THNSL1: variants seen among roughly 807,000 people sequenced by gnomAD.
The protein encoded by THNSL1 is threonine synthase-like 1.
THNSL1 carries 48 observed loss-of-function variants against 50.4 expected under a neutral mutation model. That is an observed-to-expected ratio of 0.95 (90% confidence interval 0.76 to 1.21). The LOEUF (loss-of-function observed/expected upper bound fraction) is 1.21. Ranked by LOEUF, THNSL1 falls within the 50% of genes most tolerant of loss-of-function variation. The pLI is 0.00. For synonymous variants in THNSL1, 309 were observed against 306.1 expected (o/e 1.01, Z -0.10); for missense variants, 896 against 871.7 (o/e 1.03, Z -0.35).
At chr10:25,009,056 T>G in the THNSL1 span, among the ~76,000 whole-genome samples, 3 of 151,846 alleles carry the variant, frequency 2.0e-5, no homozygotes, top group South Asian at 4.2e-4. Context: ...AATTGAACAG[T>G]GAGAACACAT....
chr10:24,959,265 C>T, the THNSL1 span, among the ~76,000 whole-genome samples: 1 of 152,208 alleles, frequency 6.6e-6, no homozygotes, highest in Non-Finnish European at 1.5e-5. Flanking sequence ...GCTGTTTATT[C>T]TCTTAGCTGT....
chr10:24,953,981 G>T, the THNSL1 span, among the ~76,000 whole-genome samples: 9 of 152,260 alleles, frequency 5.9e-5, no homozygotes, highest in East Asian at 9.7e-4. Context: ...CAGAAATGGG[G>T]GGTGTTGTTT....
At chr10:24,973,999 C>T in the THNSL1 span, among the ~76,000 whole-genome samples, 2 of 152,080 alleles carry the variant, frequency 1.3e-5, no homozygotes, top group African/African-American at 4.8e-5. Flanking sequence ...GGTGATCCAC[C>T]CACCTCGGCC....
the THNSL1 span, among the ~76,000 whole-genome samples, chr10:24,965,388 C>T: frequency 6.6e-6 from 1 of 152,242 alleles, no homozygotes; most frequent in African/African-American, 2.4e-5. Flanking sequence ...GAGGCCACAG[C>T]CCTCATTGAC....
At chr10:24,969,493 T>C in the THNSL1 span, among the ~76,000 whole-genome samples, 1 of 152,162 alleles carries the variant, frequency 6.6e-6, no homozygotes, top group African/African-American at 2.4e-5. Context: ...TACTACAAGC[T>C]GTAGTTTGGT....
At chr10:24,994,770 C>T in the THNSL1 span, among the ~76,000 whole-genome samples, 1 of 151,828 alleles carries the variant, frequency 6.6e-6, no homozygotes, top group Non-Finnish European at 1.5e-5. Flanking sequence ...GTCTGCAATC[C>T]CAGCACTTTG....
At chr10:25,020,149 A>C (rs1156616748) in intron 1 of THNSL1, among the ~76,000 whole-genome samples, 1 of 152,028 alleles carries the variant, frequency 6.6e-6, no homozygotes, top group Non-Finnish European at 1.5e-5. Context: ...TATAGCACTT[A>C]ACTGCCTTCT....
upstream of THNSL1, among the ~76,000 whole-genome samples, chr10:25,012,228 C>T (rs758242012): frequency 6.6e-5 from 10 of 152,188 alleles, no homozygotes; most frequent in East Asian, 1.9e-4. Flanking sequence ...AGATGTGCTT[C>T]GGGGCAGAGC....
At position 25,023,794 on chromosome 10, in the gene THNSL1, C is replaced by T. The variant is rs775490861; in HGVS notation, c.571C>T (p.Gln191Ter). 1 of 1,614,084 alleles carries T rather than the reference C, an allele frequency of 6.2e-7. No homozygotes were observed. The highest frequency in any genetic ancestry group is 2.2e-5 in the East Asian group (1 of 44,876). ...GAAAGACTTACTTAAATTTAGAAGACAGTATTATAAGAAGTGGTATGATGC... is the reference window on the plus strand; with the variant it reads ...GAAAGACTTACTTAAATTTAGAAGATAGTATTATAAGAAGTGGTATGATGC... The part of the protein sequence containing the change: ...SMKDLLKFRR[Q>*]YYKKWYDARV... Residue 191 changes from glutamine to a stop codon, truncating the protein, a stop_gained, in exon 3 of 3, where the codon CAG becomes TAG. Transcript: ENST00000376356. LOFTEE classifies it high-confidence loss of function.
the THNSL1 span, among the ~76,000 whole-genome samples, chr10:24,992,729 T>C: frequency 6.6e-6 from 1 of 152,186 alleles, no homozygotes; most frequent in Non-Finnish European, 1.5e-5. Flanking sequence ...TTGGGGATTG[T>C]TTGTCATCAC....
chr10:24,954,265 T>C, the THNSL1 span, among the ~76,000 whole-genome samples: 1 of 152,140 alleles, frequency 6.6e-6, no homozygotes, highest in South Asian at 2.1e-4. Flanking sequence ...GTGGGGAAGA[T>C]CTGTGGAAGC....
At chr10:24,993,986 A>G in the THNSL1 span, among the ~76,000 whole-genome samples, 6 of 152,282 alleles carry the variant, frequency 3.9e-5, no homozygotes, top group African/African-American at 9.6e-5. Context: ...GACAACGACT[A>G]TAAAACAGTT....
the THNSL1 span, among the ~76,000 whole-genome samples, chr10:25,009,734 C>T: frequency 3.5e-4 from 53 of 152,126 alleles, 1 homozygote; most frequent in African/African-American, 1.2e-3. Flanking sequence ...TAGGTCTTTC[C>T]CATGCTGTTC....
At chr10:24,971,105 CTT>C in the THNSL1 span, among the ~76,000 whole-genome samples, 2 of 145,420 alleles carry the variant, frequency 1.4e-5, no homozygotes, top group African/African-American at 5.0e-5. Flanking sequence ...ACACTCACTG[CTT>C]TTTTTTTTTT....
the THNSL1 span, among the ~76,000 whole-genome samples, chr10:24,976,601 T>C: frequency 5.9e-5 from 9 of 152,178 alleles, no homozygotes; most frequent in Non-Finnish European, 1.2e-4. Flanking sequence ...GTGATTCTCC[T>C]GCCTCAGCCT....
chr10:25,000,271 T>C, the THNSL1 span, among the ~76,000 whole-genome samples: 1 of 152,298 alleles, frequency 6.6e-6, no homozygotes, highest in South Asian at 2.1e-4. Flanking sequence ...ATGTTCTGTA[T>C]ACACTTGAAA....
the THNSL1 span, among the ~76,000 whole-genome samples, chr10:24,996,456 G>GTGTGTGTATATATA: frequency 1.3e-5 from 2 of 149,712 alleles, no homozygotes; most frequent in African/African-American, 4.9e-5. Flanking sequence ...GTGTGTGTGT[G>GTGTGTGTATATATA]TATATATATA....
At chr10:24,998,384 T>C in the THNSL1 span, among the ~76,000 whole-genome samples, 350 of 136,202 alleles carry the variant, frequency 2.6e-3, 3 homozygotes, top group African/African-American at 9.8e-3. Flanking sequence ...TCTCTCTCTT[T>C]CTTTTTTTGA....
At chr10:25,022,886 T>C (rs1343438405) in intron 2 of THNSL1, among the ~76,000 whole-genome samples, 1 of 152,206 alleles carries the variant, frequency 6.6e-6, no homozygotes, top group Non-Finnish European at 1.5e-5. Flanking sequence ...GCATCTACAA[T>C]CTGGCACTTT....
Sources: gnomAD v4.1 joint callset for allele counts (sites outside exome capture counted in the v4.1 genomes callset) on GRCh38, gnomAD v4.1.1 for gene constraint, MANE v1.5 for transcripts, NCBI Gene and HGNC (gene_info 2026-07-23, HGNC 2026-07-21) for gene names.